The following ASH1L variants were observed in gnomAD, a reference collection of about 807,000 sequenced individuals.
ASH1L encodes histone-lysine N-methyltransferase ASH1L.
A neutral mutation model predicts 269.0 loss-of-function variants in ASH1L; 23 were observed. The observed-to-expected ratio is 0.09, with a 90% CI of 0.06 to 0.12. ASH1L has a LOEUF of 0.12. Among genes scored for constraint, ASH1L ranks in the 10% least tolerant of loss-of-function variants. The probability of loss-of-function intolerance (pLI) is 1.00; values close to 1 mark genes in which losing one functional copy is unlikely to be tolerated. For synonymous variants in ASH1L, 1,187 were observed against 1,253.5 expected (o/e 0.95, Z 1.12); for missense variants, 2,912 against 3,567.8 (o/e 0.82, Z 4.68).
In ASH1L at chr1:155,478,725, T is replaced by C; in HGVS notation, c.4145A>G (p.Tyr1382Cys). The change falls in exon 3 of 28, where the codon TAT becomes TGT. Residue 1382 changes from tyrosine (Y) to cysteine (C), a missense_variant. Tyr to Cys is a radical substitution (Grantham distance 194). Transcript: ENST00000392403. This position sits in a 1 kb window ranked among gnomAD's most constrained non-coding sequence, Gnocchi z 4.6. ...GGGTGAAGGAGAGTAAGGCATACCA[T>C]AAGATGGATAGAATCCAGTACTAGA... ...PLSSTGFYPS[Y>C]GMPYSPSPLT... is the part of the protein sequence containing the mutation. 6.2e-7 allele frequency: 1 copy of C among 1,614,018 alleles called. No homozygotes were observed.
intron 7 of ASH1L, among the ~76,000 whole-genome samples, chr1:155,391,549 T>C (rs890945739): frequency 2.0e-5 from 3 of 152,110 alleles, no homozygotes; most frequent in Admixed American, 2.0e-4. Flanking sequence ...CCTTCTCTCT[T>C]AATATGAATT....
chr1:155,496,181 A>C (rs902631399), intron 2 of ASH1L, among the ~76,000 whole-genome samples: 9 of 152,180 alleles, frequency 5.9e-5, no homozygotes, highest in African/African-American at 2.2e-4. Context: ...AAAAATTTTT[A>C]AATTTGTTTT....
intron 4 of ASH1L, among the ~76,000 whole-genome samples, chr1:155,457,469 T>C (rs965427449): frequency 1.3e-5 from 2 of 152,384 alleles, no homozygotes; most frequent in Admixed American, 6.5e-5. Context: ...GTGCTGTTGT[T>C]ACTGTGCTAC....
chr1:155,461,317 C>A (rs1664282070), intron 3 of ASH1L, among the ~76,000 whole-genome samples: 1 of 152,144 alleles, frequency 6.6e-6, no homozygotes, highest in African/African-American at 2.4e-5. Flanking sequence ...AGTCTTTTAG[C>A]AGGCTATGGG....
In ASH1L at chr1:155,354,505, C is replaced by G. The variant is rs1294583309; in HGVS notation, c.7181G>C (p.Gly2394Ala). 1 of 1,611,252 alleles carries G rather than the reference C, an allele frequency of 6.2e-7. No homozygotes were observed. The highest frequency in any genetic ancestry group is 1.3e-5 in the African/African-American group (1 of 74,792). ...HSASLYTRWN[G>A]ICRDDGNIKS... Reference sequence around the variant, plus strand: ...GATATTCCCATCATCTCGGCAGATCCCATTCCAACGGGTATATAATGATGC... The same window carrying G: ...GATATTCCCATCATCTCGGCAGATCGCATTCCAACGGGTATATAATGATGC... The change falls in exon 16 of 28, where the codon GGG becomes GCG. Residue 2394 changes from glycine to alanine, a missense_variant. Physicochemically the swap from Gly to Ala is moderately conservative, Grantham distance 60. Coordinates refer to ENST00000392403, the MANE Select transcript of ASH1L (RefSeq NM_018489.3).
intron 2 of ASH1L, among the ~76,000 whole-genome samples, chr1:155,516,667 G>A (rs1285399675): frequency 6.6e-6 from 1 of 151,962 alleles, no homozygotes; most frequent in African/African-American, 2.4e-5. Flanking sequence ...ACAAAAGGAG[G>A]CTAAGGCAGG....
chr1:155,459,912 A>G lies in ASH1L; in HGVS notation c.4985-14T>C. 6.4e-7 allele frequency: 1 copy of G among 1,551,340 alleles called. No individual in the cohort carries two copies. The highest frequency in any genetic ancestry group is 8.7e-7 in the Non-Finnish European group (1 of 1,147,314). Reference sequence around the variant, plus strand: ...TTGGCTGGGAGCCTGGAGAAAGAGAAAAAGATAGAAATCATAGGAAAATTC... The same window carrying G: ...TTGGCTGGGAGCCTGGAGAAAGAGAGAAAGATAGAAATCATAGGAAAATTC... On this transcript the variant is annotated splice_polypyrimidine_tract_variant and intron_variant, in intron 3 of 27. Transcript: ENST00000392403.
chr1:155,517,331 T>A (rs577053863), intron 2 of ASH1L, among the ~76,000 whole-genome samples: 1 of 152,004 alleles, frequency 6.6e-6, no homozygotes, highest in African/African-American at 2.4e-5. Context: ...AGACCCTCTC[T>A]CTTTAAAAAC....
intron 13 of ASH1L, among the ~76,000 whole-genome samples, chr1:155,359,954 C>A (rs981308107): frequency 6.6e-6 from 1 of 151,720 alleles, no homozygotes; most frequent in Non-Finnish European, 1.5e-5. Flanking sequence ...GTGGTGCAAT[C>A]TCGGCTCAAC....
intron 5 of ASH1L, among the ~76,000 whole-genome samples, chr1:155,431,217 AAT>A (rs149153355): frequency 6.0e-5 from 9 of 150,118 alleles, no homozygotes; most frequent in Admixed American, 2.0e-4. Flanking sequence ...CAACAACAAA[AAT>A]ATATATATAT....
intron 2 of ASH1L, among the ~76,000 whole-genome samples, chr1:155,486,530 C>T (rs1368159559): frequency 6.6e-6 from 1 of 151,778 alleles, no homozygotes; most frequent in Non-Finnish European, 1.5e-5. Context: ...TTTGAAATAA[C>T]TAAAAGAGTA....
At chr1:155,465,306 A>C (rs995363750) in intron 3 of ASH1L, among the ~76,000 whole-genome samples, 47 of 151,274 alleles carry the variant, frequency 3.1e-4, no homozygotes, top group East Asian at 1.2e-3. Flanking sequence ...AAAAAAAAAA[A>C]AAAAAACAGT....
intron 4 of ASH1L, among the ~76,000 whole-genome samples, chr1:155,453,760 T>C (rs940069276): frequency 1.3e-5 from 2 of 150,852 alleles, no homozygotes; most frequent in African/African-American, 2.4e-5. Flanking sequence ...GATTGCACCA[T>C]TGCACTCTAG....
intron 1 of ASH1L, among the ~76,000 whole-genome samples, chr1:155,545,976 G>A (rs1373311883): frequency 6.6e-6 from 1 of 152,036 alleles, no homozygotes; most frequent in African/African-American, 2.4e-5. Flanking sequence ...GGCCAATGTG[G>A]TGAAACCCCA....
intron 5 of ASH1L, among the ~76,000 whole-genome samples, chr1:155,420,845 A>AT (rs1571165370): frequency 1.5e-4 from 5 of 33,800 alleles, no homozygotes; most frequent in South Asian, 2.0e-3. Flanking sequence ...GCAAGGCTCC[A>AT]TTAAAAAAAA....
At chr1:155,344,328 C>T (rs1570946724) in intron 21 of ASH1L, 55 bp from the exon 22 acceptor site, 2 of 1,312,662 alleles carry the variant, frequency 1.5e-6, no homozygotes, top group South Asian at 1.2e-5. Context: ...ATTCAGCCTA[C>T]TTATTTCTCA....
At chr1:155,546,158 C>CAAAAAAA (rs57715557) in intron 1 of ASH1L, among the ~76,000 whole-genome samples, 3 of 110,776 alleles carry the variant, frequency 2.7e-5, no homozygotes, top group African/African-American at 3.7e-5. Flanking sequence ...ATTCCATCAC[C>CAAAAAAA]AAAAAAAAAA....
At chr1:155,522,987 A>G (rs530807050) in intron 1 of ASH1L, among the ~76,000 whole-genome samples, 1 of 152,150 alleles carries the variant, frequency 6.6e-6, no homozygotes, top group South Asian at 2.1e-4. Flanking sequence ...CACCGTGCCC[A>G]GCCAGAGACT....
In ASH1L at chr1:155,480,623, T is replaced by A; in HGVS notation, c.2247A>T (p.Ser749=). Residue 749 remains serine, a synonymous_variant, in exon 3 of 28, where the codon TCA becomes TCT. Transcript: ENST00000392403. ...SELFKNVSCS[S]LSNSNSEPAK... ...CTGGCTCAGAATTACTATTTGATAGTGAGCTACATGAAACGTTTTTAAAAA... is the reference window on the plus strand; with the variant it reads ...CTGGCTCAGAATTACTATTTGATAGAGAGCTACATGAAACGTTTTTAAAAA... The A allele has an allele frequency of 6.2e-7, 1 of 1,614,184 alleles. No individual in the cohort carries two copies. The highest frequency in any genetic ancestry group is 8.5e-7 in the Non-Finnish European group (1 of 1,180,008).
Sources: gnomAD v4.1 joint callset for allele counts (sites outside exome capture counted in the v4.1 genomes callset) on GRCh38, gnomAD v4.1.1 for gene constraint, Gnocchi (gnomAD v3.1) non-coding constraint, MANE v1.5 for transcripts, NCBI Gene and HGNC (gene_info 2026-07-23, HGNC 2026-07-21) for gene names.